NEK3: variants seen among roughly 807,000 people sequenced by gnomAD.
The protein encoded by NEK3 is serine/threonine-protein kinase Nek3.
A neutral mutation model predicts 66.0 loss-of-function variants in NEK3; 54 were observed. The ratio of observed to expected loss-of-function variants is 0.82; its 90% CI spans 0.66 to 1.03. NEK3 has a LOEUF of 1.03. Among genes scored for constraint, NEK3 ranks in the 50% least tolerant of loss-of-function variants. NEK3 has a pLI of 0.00. For synonymous variants in NEK3, 200 were observed against 206.2 expected, an observed-to-expected ratio of 0.97 and a Z score of 0.26; for missense variants, 593 against 603.0, an observed-to-expected ratio of 0.98 and a Z score of 0.17.
At position 52,144,731 on chromosome 13, in the gene NEK3, C is replaced by T. The variant is rs573295625; in HGVS notation, c.764G>A (p.Gly255Asp). The change falls in exon 9 of 16, where the codon GGC becomes GAC. Residue 255 changes from glycine to aspartate, a missense_variant. Transcript: ENST00000610828. ...CTTCTGGACAAGCCGAGCTACGATG[C>T]CTCGAGAGAGAAGCGTTGTAGCCGA... ...RPSATTLLSR[G>D]IVARLVQKCL... The T allele has an allele frequency of 5.0e-6, 8 of 1,613,854 alleles. No individual in the cohort carries two copies. The East Asian group carries it at 1.6e-4, about 31-fold the overall frequency.
At chr13:52,140,970 ACGCCCGGCCACCG>A in intron 11 of NEK3, 37 bp downstream of exon 11, 1 of 1,463,032 alleles carries the variant, frequency 6.8e-7, no homozygotes, top group Non-Finnish European at 9.3e-7. Flanking sequence ...TTGCACCACC[ACGCCCGGCCACCG>A]CGCCCGGCCT....
chr13:52,137,062 ATATATC>A (rs1398178032), intron 11 of NEK3, among the ~76,000 whole-genome samples, 160 bp from the exon 12 acceptor site: 1 of 152,160 alleles, frequency 6.6e-6, no homozygotes, highest in Non-Finnish European at 1.5e-5. Flanking sequence ...TAATAGCCAT[ATATATC>A]TATATGTATT....
At chr13:52,158,027 G>A (rs989567012) in intron 1 of NEK3, among the ~76,000 whole-genome samples, 6 of 152,146 alleles carry the variant, frequency 3.9e-5, no homozygotes, top group Admixed American at 2.0e-4. Context: ...ACAGGCATGC[G>A]CCACCACGCC....
chr13:52,133,033 C>T lies in NEK3; in HGVS notation c.*109G>A. On this transcript the variant is annotated 3_prime_UTR_variant, in exon 16 of 16. Transcript: ENST00000610828. ...TAAGTATTAAGAGTTTCCTCTGCTT[C>T]ATTCTGTTTCCAAAGGAAAATATAC... The T allele has an allele frequency of 1.2e-6, 1 of 867,050 alleles. No homozygotes were observed. The highest frequency in any genetic ancestry group is 1.9e-6 in the Non-Finnish European group (1 of 539,606). 53.7% of individuals were successfully genotyped at this position (867,050 alleles called of 1,614,324 possible).
In NEK3 at chr13:52,156,181, T is replaced by A. The variant is rs377089430; in HGVS notation, c.11A>T (p.Tyr4Phe). The A allele has an allele frequency of 1.3e-6, 2 of 1,593,630 alleles. No homozygotes were observed. The highest frequency in any genetic ancestry group is 1.7e-6 in the Non-Finnish European group (2 of 1,168,854). ...CTCCCCAATCATTCTCAGGACCATG[T>A]AGTCATCCATGCTGGGGCATCCACA... MDD[Y>F]MVLRMIGEGS... is the part of the protein sequence containing the mutation. Residue 4 changes from tyrosine (Y) to phenylalanine (F), a missense_variant, in exon 2 of 16, where the codon TAC becomes TTC. Transcript: ENST00000610828.
At chr13:52,144,009 T>G in intron 9 of NEK3, 22 bp from the exon 10 acceptor site, 1 of 1,350,000 alleles carries the variant, frequency 7.4e-7, no homozygotes, top group Non-Finnish European at 1.0e-6. Flanking sequence ...AGTTGAGAAT[T>G]TAGAGATGTG....
At chr13:52,145,725 G>C (rs1468937317) in intron 8 of NEK3, among the ~76,000 whole-genome samples, 1 of 152,152 alleles carries the variant, frequency 6.6e-6, no homozygotes, top group African/African-American at 2.4e-5. Context: ...TGACAGACTG[G>C]AGTAACATTT....
chr13:52,136,939 T>C (rs763382037), intron 11 of NEK3, 37 bp from the exon 12 acceptor site: 1 of 1,357,810 alleles, frequency 7.4e-7, no homozygotes, highest in South Asian at 1.5e-5. Flanking sequence ...TAAATAATGC[T>C]TGAATTGCCA....
Position 52,156,202 on chromosome 13 carries a change from C to A in NEK3, c.-11G>T, listed in dbSNP as rs1158406415. The A allele has an allele frequency of 1.0e-5, 16 of 1,532,106 alleles. No individual in the cohort carries two copies. Among genetic ancestry groups the A allele is most frequent in the Non-Finnish European group, 1.4e-5 (16 of 1,117,798 alleles). 94.9% of individuals were successfully genotyped at this position (1,532,106 alleles called of 1,614,324 possible). A position where few individuals can be genotyped will look rare whatever the true frequency, so the allele number is the denominator to read the frequency against. ...CATGTAGTCATCCATGCTGGGGCAT[C>A]CACACAGCTGGGCTCCACTCACGCA... On this transcript the variant is annotated 5_prime_UTR_variant, in exon 2 of 16. Coordinates refer to ENST00000610828, the MANE Select transcript of NEK3 (RefSeq NM_002498.3).
intron 4 of NEK3, 83 bp from the exon 5 acceptor site, chr13:52,152,775 G>T: frequency 2.4e-6 from 2 of 846,000 alleles, no homozygotes; most frequent in South Asian, 3.1e-5. Context: ...TCATCTCTAG[G>T]CCTTAGTCAA....
chr13:52,143,722 T>C (rs534333044), intron 10 of NEK3, among the ~76,000 whole-genome samples, 193 bp downstream of exon 10: 9 of 152,334 alleles, frequency 5.9e-5, no homozygotes, highest in East Asian at 5.8e-4. Flanking sequence ...CTAGGCTTTT[T>C]TAAATCCCAA....
At chr13:52,158,904 T>C (rs1223222492) in intron 1 of NEK3, among the ~76,000 whole-genome samples, 1 of 152,218 alleles carries the variant, frequency 6.6e-6, no homozygotes, top group Non-Finnish European at 1.5e-5. Flanking sequence ...TGTCGTTTTC[T>C]TATTCTAGCA....
upstream of NEK3, chr13:52,159,732 A>G (rs1417484040): frequency 1.3e-5 from 2 of 152,240 alleles, no homozygotes; most frequent in Non-Finnish European, 2.9e-5. Flanking sequence ...TTGCGGTGGA[A>G]CAGTGCTGTT....
intron 14 of NEK3, among the ~76,000 whole-genome samples, chr13:52,134,217 G>A (rs978482809): frequency 6.6e-6 from 1 of 151,916 alleles, no homozygotes; most frequent in Admixed American, 6.6e-5. Context: ...TAGAGGCGAG[G>A]TCTCGCTATG....
chr13:52,133,885 A>C, intron 14 of NEK3, 70 bp from the exon 15 acceptor site: 1 of 1,468,448 alleles, frequency 6.8e-7, no homozygotes, highest in Middle Eastern at 1.8e-4. Context: ...GTTTGATTAA[A>C]ATCCTCCGTA....
chr13:52,154,203 T>C, intron 2 of NEK3, 30 bp from the exon 3 acceptor site: 1 of 1,321,342 alleles, frequency 7.6e-7, no homozygotes. Context: ...AAGCATAAAC[T>C]TAATACTGCA....
In NEK3 at chr13:52,132,845, A is replaced by G. The variant is rs1566846968; in HGVS notation, c.*297T>C. ...GCTTGAAGAGGTTAAGTAATTTCCCACAATCACACAAGTAGGTAGTGGCAC... is the reference window on the plus strand; with the variant it reads ...GCTTGAAGAGGTTAAGTAATTTCCCGCAATCACACAAGTAGGTAGTGGCAC... On this transcript the variant is annotated 3_prime_UTR_variant, in exon 16 of 16. Coordinates refer to ENST00000610828, the MANE Select transcript of NEK3 (RefSeq NM_002498.3). 3.4e-6 allele frequency: 1 copy of G among 294,368 alleles called. No individual in the cohort carries two copies. The highest frequency in any genetic ancestry group is 6.4e-6 in the Non-Finnish European group (1 of 156,832). 18.2% of individuals were successfully genotyped at this position (294,368 alleles called of 1,614,324 possible).
chr13:52,135,941 G>C (rs1169845468), intron 13 of NEK3, 78 bp from the exon 14 acceptor site: 69 of 1,538,472 alleles, frequency 4.5e-5, no homozygotes, highest in Non-Finnish European at 5.9e-5. Context: ...ATATTTTCAA[G>C]CGAAGTTAGT....
intron 8 of NEK3, 96 bp from the exon 9 acceptor site, chr13:52,144,987 A>G (rs1956282569): frequency 5.0e-6 from 4 of 808,050 alleles, no homozygotes; most frequent in Non-Finnish European, 8.0e-6. Context: ...TTATAAACAT[A>G]TCTGCTGTCT....
Sources: gnomAD v4.1 joint callset for allele counts (sites outside exome capture counted in the v4.1 genomes callset) on GRCh38, gnomAD v4.1.1 for gene constraint, MANE v1.5 for transcripts, NCBI Gene and HGNC (gene_info 2026-07-23, HGNC 2026-07-21) for gene names.